CPNE4: variants seen among roughly 807,000 people sequenced by gnomAD.
CPNE4 encodes the protein copine-4.
CPNE4 carries 25 observed loss-of-function variants against 67.9 expected under a neutral mutation model. The ratio of observed to expected loss-of-function variants is 0.37; its 90% confidence interval spans 0.27 to 0.51. The LOEUF is 0.51. Ranked by LOEUF, CPNE4 falls within the 20% of genes least tolerant of loss-of-function variation. The pLI is 0.93. For missense variants in CPNE4, 464 were observed against 690.8 expected, an observed-to-expected ratio of 0.67 and a Z score of 3.68; for synonymous variants, 242 against 244.9, an observed-to-expected ratio of 0.99 and a Z score of 0.11.
intron 1 of CPNE4, among the ~76,000 whole-genome samples, chr3:131,949,207 G>T (rs985282028): frequency 2.0e-5 from 3 of 152,122 alleles, no homozygotes; most frequent in African/African-American, 7.2e-5. Context: ...AGAACATAAA[G>T]AAGCCCACTT....
chr3:131,893,951 A>G (rs1172873642), intron 2 of CPNE4, among the ~76,000 whole-genome samples: 2 of 151,920 alleles, frequency 1.3e-5, no homozygotes, highest in African/African-American at 4.8e-5. Context: ...AAGAAAAGAA[A>G]TAATAAAGCT....
intron 2 of CPNE4, among the ~76,000 whole-genome samples, chr3:131,805,568 C>G (rs1338173006): frequency 6.6e-6 from 1 of 152,194 alleles, no homozygotes. Flanking sequence ...GAAGTTGCAA[C>G]TAGACATTAA....
At chr3:131,620,311 GGAGA>G (rs1018463484) in intron 7 of CPNE4, 2 of 204,630 alleles carry the variant, frequency 9.8e-6, no homozygotes, top group African/African-American at 4.7e-5. Context: ...AATGATTTAA[GGAGA>G]GAGTTTCTTG....
chr3:132,034,084 G>A (rs1051708503), intron 1 of CPNE4, among the ~76,000 whole-genome samples: 3 of 152,198 alleles, frequency 2.0e-5, no homozygotes, highest in African/African-American at 7.2e-5. Flanking sequence ...GTGTGGGGGA[G>A]GAGGTTGAGA....
rs569936838 is a variant in CPNE4 at position 131,918,311 on chromosome 3, C to T, written c.-1-12867G>A. ...GTTTGAGTCCCTTAATGCTGGAAGTCCCAGAATGTGATATCACGCTCATTT... is the reference window on the plus strand; with the variant it reads ...GTTTGAGTCCCTTAATGCTGGAAGTTCCAGAATGTGATATCACGCTCATTT... On this transcript the variant is annotated intron_variant, in intron 1 of 15. Transcript: ENST00000429747. Among the ~76,000 whole-genome samples, 7 of 152,140 alleles carry T rather than the reference C, an allele frequency of 4.6e-5. No individual in the cohort carries two copies. In the South Asian group the frequency reaches 1.2e-3, roughly 27 times the overall value.
chr3:131,932,748 T>C (rs915163133), intron 1 of CPNE4, among the ~76,000 whole-genome samples: 1 of 150,894 alleles, frequency 6.6e-6, no homozygotes, highest in African/African-American at 2.4e-5. Context: ...GCAAACACGG[T>C]GAAATAGCAG....
intron 5 of CPNE4, among the ~76,000 whole-genome samples, chr3:131,687,098 A>T (rs995362474): frequency 2.4e-4 from 36 of 149,718 alleles, no homozygotes; most frequent in African/African-American, 8.9e-4. Context: ...TCTTCTGTCC[A>T]GTTTCTTGGC....
chr3:131,656,587 C>T (rs1229943003), intron 7 of CPNE4, among the ~76,000 whole-genome samples: 1 of 152,160 alleles, frequency 6.6e-6, no homozygotes, highest in Admixed American at 6.5e-5. Flanking sequence ...TTTAAGCATA[C>T]ATTTATTAAG....
chr3:131,696,667 C>T (rs767554479), intron 4 of CPNE4, 51 bp from the exon 5 acceptor site: 3 of 1,535,700 alleles, frequency 2.0e-6, no homozygotes, highest in Non-Finnish European at 2.7e-6. Flanking sequence ...CTCCTTAGCT[C>T]CAGAACCCAT....
chr3:131,966,896 A>T (rs141754755), intron 1 of CPNE4, among the ~76,000 whole-genome samples: 4 of 152,194 alleles, frequency 2.6e-5, no homozygotes, highest in Admixed American at 2.0e-4. Context: ...CATCATCCTG[A>T]TACCAAAATC....
At chr3:132,016,255 T>C (rs1440171169) in intron 1 of CPNE4, among the ~76,000 whole-genome samples, 1 of 152,228 alleles carries the variant, frequency 6.6e-6, no homozygotes, top group Admixed American at 6.5e-5. Flanking sequence ...CTCTCTGAGA[T>C]ATCCATTGTG....
intron 1 of CPNE4, among the ~76,000 whole-genome samples, chr3:131,931,789 A>G (rs763976017): frequency 9.2e-5 from 14 of 152,128 alleles, no homozygotes; most frequent in Non-Finnish European, 1.9e-4. Context: ...CAACTGTTTG[A>G]CCTTGGAGAA....
At chr3:131,683,947 C>A (rs1583017877) in intron 6 of CPNE4, among the ~76,000 whole-genome samples, 1 of 152,040 alleles carries the variant, frequency 6.6e-6, no homozygotes, top group African/African-American at 2.4e-5. Flanking sequence ...GCACTGAGTT[C>A]CAGTGCAAGG....
At position 131,991,071 on chromosome 3, in the gene CPNE4, C is replaced by A. The variant is rs749348547; in HGVS notation, c.-2+43496G>T. Reference sequence around the variant, plus strand: ...CATGCCGAACTGTGAGTCAATTAAACCTCTTTCCTTTATAAATTACCCAGT... The same window carrying A: ...CATGCCGAACTGTGAGTCAATTAAAACTCTTTCCTTTATAAATTACCCAGT... On this transcript the variant is annotated intron_variant, in intron 1 of 15. Coordinates refer to ENST00000429747, the MANE Select transcript of CPNE4 (RefSeq NM_130808.3). Among the ~76,000 whole-genome samples the A allele has an allele frequency of 1.5e-5, 2 of 136,612 alleles. 1 individual carries two copies. The allele number at this position is 136,612 out of a possible 152,430, so 89.6% of individuals were successfully genotyped here.
chr3:132,013,754 G>T (rs2073826618), intron 1 of CPNE4, among the ~76,000 whole-genome samples: 1 of 152,138 alleles, frequency 6.6e-6, no homozygotes, highest in African/African-American at 2.4e-5. Context: ...CAACCTATGA[G>T]CTGGGAACTC....
intron 11 of CPNE4, among the ~76,000 whole-genome samples, chr3:131,559,826 C>T (rs941397746): frequency 4.6e-5 from 7 of 151,892 alleles, no homozygotes; most frequent in African/African-American, 1.4e-4. Flanking sequence ...CAAATAGTTA[C>T]GGCATTTAGA....
intron 1 of CPNE4, among the ~76,000 whole-genome samples, chr3:131,943,641 G>A (rs57382532): frequency 0.18 from 27,952 of 151,874 alleles, 3,313 homozygotes; most frequent in African/African-American, 0.34. Flanking sequence ...CCTCTAATGT[G>A]CTTCTTAATC....
intron 10 of CPNE4, among the ~76,000 whole-genome samples, chr3:131,574,752 A>T (rs1937508252): frequency 6.6e-6 from 1 of 152,068 alleles, no homozygotes. Context: ...TCACCAGGTG[A>T]TGGAATCTGA....
At chr3:131,964,302 G>T (rs760138199) in intron 1 of CPNE4, among the ~76,000 whole-genome samples, 3 of 152,010 alleles carry the variant, frequency 2.0e-5, no homozygotes, top group Admixed American at 1.3e-4. Context: ...CCAAAAACCA[G>T]AATGCCTTAT....
Sources: gnomAD v4.1 joint callset for allele counts (sites outside exome capture counted in the v4.1 genomes callset) on GRCh38, gnomAD v4.1.1 for gene constraint, MANE v1.5 for transcripts, NCBI Gene and HGNC (gene_info 2026-07-23, HGNC 2026-07-21) for gene names.